Variants in COL25A1 observed in about 807,000 individuals in gnomAD.
COL25A1 encodes the protein collagen alpha-1(XXV) chain.
Under a neutral mutation model 128.4 loss-of-function variants are expected in COL25A1, and 103 were observed. That is an observed-to-expected ratio of 0.80 (90% CI 0.68 to 0.94). COL25A1 has a LOEUF of 0.94. Ranked by LOEUF, COL25A1 falls within the 40% of genes least tolerant of loss-of-function variation. The probability of loss-of-function intolerance (pLI) is 0.00; values close to 1 mark genes in which losing one functional copy is unlikely to be tolerated. For synonymous variants in COL25A1, 279 were observed against 277.2 expected (o/e 1.01, Z -0.06); for missense variants, 745 against 840.0 (o/e 0.89, Z 1.40).
At chr4:108,936,789 C>A (rs1023325199) in intron 11 of COL25A1, among the ~76,000 whole-genome samples, 5 of 116,352 alleles carry the variant, frequency 4.3e-5, no homozygotes, top group Non-Finnish European at 8.7e-5. Flanking sequence ...CTAGGACCTA[C>A]CTGTTTCTTA....
At chr4:109,031,224 G>A (rs1436700296) in intron 5 of COL25A1, among the ~76,000 whole-genome samples, 2 of 152,134 alleles carry the variant, frequency 1.3e-5, no homozygotes, top group Non-Finnish European at 2.9e-5. Context: ...CCATTCTCTC[G>A]CCTCAGCCTT....
intron 8 of COL25A1, among the ~76,000 whole-genome samples, chr4:108,946,347 A>G (rs925278676): frequency 2.0e-5 from 3 of 152,254 alleles, no homozygotes; most frequent in Non-Finnish European, 4.4e-5. Flanking sequence ...ATAAGATTAC[A>G]AATAGTGAGA....
intron 11 of COL25A1, among the ~76,000 whole-genome samples, chr4:108,935,189 T>C (rs1009223088): frequency 6.6e-6 from 1 of 152,160 alleles, no homozygotes; most frequent in Admixed American, 6.5e-5. Flanking sequence ...ATCTCACAAA[T>C]ATAATGTTGA....
rs529225837 is a variant in COL25A1, at chr4:108,849,247, C to G, written c.1390-444G>C. Reference sequence around the variant, plus strand: ...AACCTAAAAAAGTAAAATGCAAAGCCCCATGAATTTTCAACAATATTTTAA... The same window carrying G: ...AACCTAAAAAAGTAAAATGCAAAGCGCCATGAATTTTCAACAATATTTTAA... On this transcript the variant is annotated intron_variant, in intron 26 of 37. Transcript: ENST00000399132. Among the ~76,000 whole-genome samples, 18 of 152,092 alleles carry G rather than the reference C, an allele frequency of 1.2e-4. No individual in the cohort carries two copies. The South Asian group carries it at 3.7e-3, about 32-fold the overall frequency.
chr4:109,024,513 G>T (rs1208830430), intron 5 of COL25A1, among the ~76,000 whole-genome samples: 2 of 151,974 alleles, frequency 1.3e-5, no homozygotes, highest in African/African-American at 4.8e-5. Flanking sequence ...AATAAGAGAT[G>T]AAGAGGGAGA....
At chr4:108,889,611 CA>C in intron 17 of COL25A1, 89 bp downstream of exon 17, 1 of 1,125,976 alleles carries the variant, frequency 8.9e-7, no homozygotes, top group Non-Finnish European at 1.3e-6. Flanking sequence ...TTATAACCAT[CA>C]AAGTTGCTAA....
chr4:108,971,779 A>G (rs1751940005), intron 8 of COL25A1, among the ~76,000 whole-genome samples: 1 of 152,216 alleles, frequency 6.6e-6, no homozygotes, highest in Admixed American at 6.5e-5. Context: ...ATATAAGGTT[A>G]AGAGTGGAAA....
chr4:109,140,030 C>T (rs1456646258), intron 3 of COL25A1, among the ~76,000 whole-genome samples: 1 of 152,164 alleles, frequency 6.6e-6, no homozygotes, highest in Non-Finnish European at 1.5e-5. Flanking sequence ...GCATAGTATT[C>T]CATGGTGTAT....
rs17040087 is a variant in COL25A1, at chr4:109,221,600, T to C, written c.367+78983A>G. ...ATGGGATTAAAAGGCAAATGAAACA[T>C]AGATAGAAAATAACTCTTTAACACT... On this transcript the variant is annotated intron_variant, in intron 3 of 37. Coordinates refer to ENST00000399132, the MANE Select transcript of COL25A1 (RefSeq NM_198721.4). Among the ~76,000 whole-genome samples the C allele has an allele frequency of 0.013, 1,988 of 152,260 alleles. 79 individuals carry two copies. In the South Asian group the frequency reaches 0.14, roughly 11 times the overall value.
chr4:108,961,992 A>G (rs1015446566), intron 8 of COL25A1, among the ~76,000 whole-genome samples: 6 of 152,152 alleles, frequency 3.9e-5, no homozygotes, highest in African/African-American at 1.4e-4. Context: ...TCAGGCTGAC[A>G]TGTTCTTTTG....
At chr4:109,186,578 G>A (rs1713936133) in intron 3 of COL25A1, among the ~76,000 whole-genome samples, 1 of 152,004 alleles carries the variant, frequency 6.6e-6, no homozygotes, top group African/African-American at 2.4e-5. Context: ...AGGAATTCTT[G>A]AAAATCCAAA....
chr4:109,261,756 G>A (rs1781463977), intron 3 of COL25A1, among the ~76,000 whole-genome samples: 1 of 150,954 alleles, frequency 6.6e-6, no homozygotes, highest in Non-Finnish European at 1.5e-5. Flanking sequence ...GGAGTGCAGT[G>A]GCATGATCTC....
intron 3 of COL25A1, among the ~76,000 whole-genome samples, chr4:109,244,433 C>T (rs1350758265): frequency 1.3e-5 from 2 of 152,068 alleles, no homozygotes; most frequent in Non-Finnish European, 2.9e-5. Context: ...CCCACTCTTC[C>T]CCTTCTATTA....
At chr4:109,033,755 T>A (rs1480249306) in intron 5 of COL25A1, among the ~76,000 whole-genome samples, 3 of 152,144 alleles carry the variant, frequency 2.0e-5, no homozygotes, top group African/African-American at 7.2e-5. Flanking sequence ...AAAAAGCTAA[T>A]TTATTTTGAC....
chr4:109,179,475 T>C (rs1774423787), intron 3 of COL25A1, among the ~76,000 whole-genome samples: 3 of 152,244 alleles, frequency 2.0e-5, no homozygotes. Context: ...TTTTTGGATT[T>C]CAGAAACCAA....
At chr4:108,902,904 G>A (rs28579142) in intron 13 of COL25A1, among the ~76,000 whole-genome samples, 3,486 of 151,918 alleles carry the variant, frequency 0.023, 118 homozygotes, top group African/African-American at 0.079. Context: ...ACTGTGCAAC[G>A]AGAAAAAGAC....
chr4:109,180,630 A>G (rs1336342595), intron 3 of COL25A1, among the ~76,000 whole-genome samples: 2 of 152,072 alleles, frequency 1.3e-5, no homozygotes, highest in Non-Finnish European at 2.9e-5. Flanking sequence ...CAGAATTCAA[A>G]TATATTTTTT....
At chr4:109,084,696 T>C (rs1049405108) in intron 3 of COL25A1, among the ~76,000 whole-genome samples, 2 of 152,220 alleles carry the variant, frequency 1.3e-5, no homozygotes, top group Non-Finnish European at 2.9e-5. Context: ...CCATATTCCA[T>C]TGTATTCTGT....
At chr4:108,973,557 T>C (rs754911164) in intron 8 of COL25A1, among the ~76,000 whole-genome samples, 2 of 152,248 alleles carry the variant, frequency 1.3e-5, no homozygotes, top group Non-Finnish European at 2.9e-5. Context: ...AGTTTCTTTT[T>C]TCAACCTGAA....
Sources: gnomAD v4.1 joint callset for allele counts (sites outside exome capture counted in the v4.1 genomes callset) on GRCh38, gnomAD v4.1.1 for gene constraint, MANE v1.5 for transcripts, NCBI Gene and HGNC (gene_info 2026-07-23, HGNC 2026-07-21) for gene names.